The following ATP13A4 variants were observed in gnomAD, a reference collection of about 807,000 sequenced individuals.
The protein encoded by ATP13A4 is ATPase 13A4, also known as probable cation-transporting ATPase 13A4.
A neutral mutation model predicts 142.5 loss-of-function variants in ATP13A4; 114 were observed. That is an observed-to-expected ratio of 0.80 (90% CI 0.69 to 0.93). ATP13A4 has a LOEUF of 0.93. Among genes scored for constraint, ATP13A4 ranks in the 40% least tolerant of loss-of-function variants. The probability of loss-of-function intolerance (pLI) is 0.00; values close to 1 mark genes in which losing one functional copy is unlikely to be tolerated. For synonymous variants in ATP13A4, 488 were observed against 514.8 expected, an observed-to-expected ratio of 0.95 and a Z score of 0.70; for missense variants, 1,392 against 1,454.0, an observed-to-expected ratio of 0.96 and a Z score of 0.69.
intron 17 of ATP13A4, among the ~76,000 whole-genome samples, chr3:193,452,745 T>C (rs190209952): frequency 7.2e-4 from 106 of 148,028 alleles, no homozygotes; most frequent in African/African-American, 2.4e-3. Context: ...TTATACTGTA[T>C]ATATTTTACT....
chr3:193,581,546 C>G (rs1296075904), intron 2 of ATP13A4, among the ~76,000 whole-genome samples: 1 of 152,122 alleles, frequency 6.6e-6, no homozygotes, highest in Non-Finnish European at 1.5e-5. Context: ...ATTCCTTATG[C>G]TTAGTAGTCA....
intron 2 of ATP13A4, among the ~76,000 whole-genome samples, chr3:193,505,700 T>C (rs1720827705): frequency 6.6e-6 from 1 of 152,150 alleles, no homozygotes; most frequent in Non-Finnish European, 1.5e-5. Context: ...CTCTCTTGTA[T>C]ACTACCCTGT....
intron 2 of ATP13A4, among the ~76,000 whole-genome samples, chr3:193,571,409 A>C (rs1470114618): frequency 6.6e-6 from 1 of 152,206 alleles, no homozygotes; most frequent in Non-Finnish European, 1.5e-5. Flanking sequence ...GCTCCTCAGA[A>C]AGGGCTACAT....
At chr3:193,437,103 C>CAAA (rs1190025956) in intron 23 of ATP13A4, among the ~76,000 whole-genome samples, 2 of 62,826 alleles carry the variant, frequency 3.2e-5, no homozygotes, top group Non-Finnish European at 3.1e-5. Flanking sequence ...GACTCCGTCT[C>CAAA]AAAAAAAAAA....
intron 1 of ATP13A4, among the ~76,000 whole-genome samples, chr3:193,530,792 C>T (rs965504703): frequency 2.0e-5 from 3 of 152,124 alleles, no homozygotes; most frequent in Non-Finnish European, 4.4e-5. Flanking sequence ...TTCAGGCAAA[C>T]CAGAATGGTT....
At chr3:193,459,890 G>C (rs1717854552) in intron 13 of ATP13A4, among the ~76,000 whole-genome samples, 1 of 152,148 alleles carries the variant, frequency 6.6e-6, no homozygotes, top group South Asian at 2.1e-4. Context: ...TCATATGCAG[G>C]CTTCCTTCAC....
At chr3:193,497,989 CTGT>C (rs976429117) in intron 3 of ATP13A4, among the ~76,000 whole-genome samples, 3 of 152,040 alleles carry the variant, frequency 2.0e-5, no homozygotes, top group African/African-American at 4.8e-5. Flanking sequence ...GGAATAAATT[CTGT>C]TGTTCTTTTG....
At chr3:193,453,986 G>T (rs1323884925) in intron 17 of ATP13A4, 115 bp downstream of exon 17, 5 of 833,790 alleles carry the variant, frequency 6.0e-6, no homozygotes, top group Non-Finnish European at 1.0e-5. Flanking sequence ...AAGCTACATT[G>T]CTCTGTCCAC....
chr3:193,532,289 C>A (rs1722376073), intron 1 of ATP13A4, among the ~76,000 whole-genome samples: 1 of 151,582 alleles, frequency 6.6e-6, no homozygotes, highest in South Asian at 2.1e-4. Context: ...TAATGCCTGA[C>A]AAGTGGCACC....
At chr3:193,544,079 C>G (rs1161843184) in intron 1 of ATP13A4, among the ~76,000 whole-genome samples, 1 of 152,142 alleles carries the variant, frequency 6.6e-6, no homozygotes, top group Non-Finnish European at 1.5e-5. Flanking sequence ...AAGGAGGTGA[C>G]TAATGGCTCC....
At chr3:193,421,182 T>A (rs1037264463) in intron 25 of ATP13A4, among the ~76,000 whole-genome samples, 1 of 149,668 alleles carries the variant, frequency 6.7e-6, no homozygotes, top group Admixed American at 6.9e-5. Context: ...AAGTGCCAAA[T>A]CACAAATAAG....
chr3:193,416,496 T>C (rs1318391442), intron 25 of ATP13A4, among the ~76,000 whole-genome samples: 1 of 151,812 alleles, frequency 6.6e-6, no homozygotes, highest in African/African-American at 2.4e-5. Flanking sequence ...AGATAAAAAT[T>C]ATAAAAAGGA....
At chr3:193,509,924 G>C (rs1721054365) in intron 2 of ATP13A4, among the ~76,000 whole-genome samples, 3 of 152,200 alleles carry the variant, frequency 2.0e-5, no homozygotes, top group African/African-American at 7.2e-5. Flanking sequence ...TATATTCCCA[G>C]TGCCTATGCC....
chr3:193,462,636 C>T lies in ATP13A4; in HGVS notation c.1523+126G>A, dbSNP rs548334209. On this transcript the variant is annotated intron_variant, in intron 13 of 29. Coordinates refer to ENST00000342695, the MANE Select transcript of ATP13A4 (RefSeq NM_032279.4). ...AAAGATGAGAAGTTAAAAGAAGATA[C>T]TTTGGCAATCATTGTCCACCAAAGC... 23 of 865,776 alleles carry T rather than the reference C, an allele frequency of 2.7e-5. No homozygotes were observed. In the African/African-American group the frequency reaches 3.7e-4, roughly 14 times the overall value. 53.6% of individuals were successfully genotyped at this position (865,776 alleles called of 1,614,324 possible). A position where few individuals can be genotyped will look rare whatever the true frequency, so the allele number is the denominator to read the frequency against.
chr3:193,437,420 C>T (rs1241697286), intron 23 of ATP13A4, among the ~76,000 whole-genome samples: 1 of 152,000 alleles, frequency 6.6e-6, no homozygotes, highest in Non-Finnish European at 1.5e-5. Flanking sequence ...TTGTCAAATG[C>T]ATGAATAAAT....
chr3:193,539,362 C>T (rs895523843), intron 1 of ATP13A4, among the ~76,000 whole-genome samples: 5 of 152,202 alleles, frequency 3.3e-5, no homozygotes, highest in Non-Finnish European at 7.3e-5. Flanking sequence ...TCTACCAAGG[C>T]GTTCCTGCAG....
intron 7 of ATP13A4, among the ~76,000 whole-genome samples, chr3:193,487,015 G>A (rs141687203): frequency 2.6e-4 from 39 of 152,214 alleles, no homozygotes; most frequent in African/African-American, 8.7e-4. Flanking sequence ...GAGAAAAATG[G>A]AGCCTTTACA....
intron 2 of ATP13A4, among the ~76,000 whole-genome samples, chr3:193,571,055 G>T (rs907033011): frequency 1.3e-5 from 2 of 152,012 alleles, no homozygotes; most frequent in South Asian, 2.1e-4. Context: ...AGGCGGGTGG[G>T]TCAACTGAGG....
At chr3:193,453,126 G>C (rs1421714035) in intron 17 of ATP13A4, among the ~76,000 whole-genome samples, 2 of 152,126 alleles carry the variant, frequency 1.3e-5, no homozygotes, top group Non-Finnish European at 2.9e-5. Context: ...ACTTCATTTT[G>C]TGTTAGTGGA....
Sources: gnomAD v4.1 joint callset for allele counts (sites outside exome capture counted in the v4.1 genomes callset) on GRCh38, gnomAD v4.1.1 for gene constraint, MANE v1.5 for transcripts, NCBI Gene and HGNC (gene_info 2026-07-23, HGNC 2026-07-21) for gene names.